Variants in FSTL4 observed in about 807,000 individuals in gnomAD.
The protein encoded by FSTL4 is follistatin like 4.
FSTL4 carries 28 observed loss-of-function variants against 78.2 expected under a neutral mutation model. That is an observed-to-expected ratio of 0.36 (90% CI 0.27 to 0.49). The LOEUF is 0.49. FSTL4 is among the 20% of genes least tolerant of loss of function. The probability of loss-of-function intolerance (pLI) is 0.98; values close to 1 mark genes in which losing one functional copy is unlikely to be tolerated. For missense variants in FSTL4, 922 were observed against 1,084.9 expected (o/e 0.85, Z 2.11); for synonymous variants, 422 against 440.5 (o/e 0.96, Z 0.53).
the FSTL4 span, among the ~76,000 whole-genome samples, chr5:133,690,939 T>G: frequency 6.6e-6 from 1 of 152,178 alleles, no homozygotes; most frequent in Non-Finnish European, 1.5e-5. Flanking sequence ...CATCTCAGGA[T>G]TTATGCTGTC....
In FSTL4 at chr5:133,198,372, G is replaced by A. The variant is rs1401104011; in HGVS notation, c.*723C>T. 1.3e-5 allele frequency: 2 copies of A among 152,576 alleles called. No individual in the cohort carries two copies. 9.5% of individuals were successfully genotyped at this position (152,576 alleles called of 1,614,324 possible). On this transcript the variant is annotated 3_prime_UTR_variant, in exon 16 of 16. Coordinates refer to ENST00000265342, the MANE Select transcript of FSTL4 (RefSeq NM_015082.2). ...CAGATGACCATTGTTCTTTCTGGCT[G>A]TGGGATGTGGGGTTGTGACCACCCC...
the FSTL4 span, among the ~76,000 whole-genome samples, chr5:133,685,044 C>T: frequency 6.6e-6 from 1 of 152,186 alleles, no homozygotes; most frequent in Non-Finnish European, 1.5e-5. Flanking sequence ...TTGGTAGCAT[C>T]GAACTCTAGA....
Position 133,199,044 on chromosome 5 carries a change from A to G in FSTL4, c.*51T>C. On this transcript the variant is annotated 3_prime_UTR_variant, in exon 16 of 16. Transcript: ENST00000265342. This position sits in a 1 kb window ranked among gnomAD's most constrained non-coding sequence, Gnocchi z 4.4. The stretch of plus-strand genomic sequence containing the variant: ...GTACAGCGTACCTGCTTGAGGCTGC[A>G]GTGTCAGGACTAGGGGGTGTTCCTT... The G allele has an allele frequency of 8.8e-7, 1 of 1,135,600 alleles. No individual in the cohort carries two copies. The highest frequency in any genetic ancestry group is 1.3e-6 in the Non-Finnish European group (1 of 799,370). The allele number at this position is 1,135,600 out of a possible 1,614,324, so 70.3% of individuals were successfully genotyped here.
At chr5:133,216,075 C>T (rs1180190061) in intron 13 of FSTL4, among the ~76,000 whole-genome samples, 1 of 152,212 alleles carries the variant, frequency 6.6e-6, no homozygotes, top group Non-Finnish European at 1.5e-5. Context: ...TAGCCTACCA[C>T]ACATTGTAAA....
intron 4 of FSTL4, among the ~76,000 whole-genome samples, chr5:133,354,809 C>T (rs79102307): frequency 0.014 from 2,059 of 152,356 alleles, 58 homozygotes; most frequent in African/African-American, 0.047. Flanking sequence ...CCTGCAGCCC[C>T]GGGAGCACCA....
chr5:133,595,130 T>C (rs1355399027), intron 2 of FSTL4, among the ~76,000 whole-genome samples: 2 of 152,228 alleles, frequency 1.3e-5, no homozygotes, highest in Non-Finnish European at 2.9e-5. Flanking sequence ...TGCTGGCCTC[T>C]GCAGAGGAAA....
chr5:133,274,165 A>G (rs1253579760), intron 6 of FSTL4, among the ~76,000 whole-genome samples: 4 of 152,076 alleles, frequency 2.6e-5, no homozygotes, highest in African/African-American at 4.8e-5. Flanking sequence ...GATGTTATTT[A>G]ATACTTGAGT....
chr5:133,333,083 G>C (rs1184521260), intron 4 of FSTL4, among the ~76,000 whole-genome samples: 1 of 152,104 alleles, frequency 6.6e-6, no homozygotes, highest in Non-Finnish European at 1.5e-5. Context: ...CACAGCTGTG[G>C]ATCTGGGTGT....
intron 6 of FSTL4, among the ~76,000 whole-genome samples, chr5:133,274,899 A>G (rs751412775): frequency 6.6e-6 from 1 of 152,352 alleles, no homozygotes; most frequent in South Asian, 2.1e-4. Context: ...TGTCCTATGC[A>G]TAGGACCTGC....
At chr5:133,369,824 A>G (rs750803307) in intron 4 of FSTL4, among the ~76,000 whole-genome samples, 1 of 152,116 alleles carries the variant, frequency 6.6e-6, no homozygotes, top group Non-Finnish European at 1.5e-5. Context: ...GGCTTAGTTA[A>G]CCCATTAGGC....
At position 133,561,013 on chromosome 5, in the gene FSTL4, C is replaced by T. The variant is rs1220012613; in HGVS notation, c.160+6173G>A. On this transcript the variant is annotated intron_variant, in intron 3 of 15. Coordinates refer to ENST00000265342, the MANE Select transcript of FSTL4 (RefSeq NM_015082.2). Reference sequence around the variant, plus strand: ...CTGAGGCAGGAGAATGGCGTGAACCCGTGAGGCTGAGCTTGCAGTGAGCCG... The same window carrying T: ...CTGAGGCAGGAGAATGGCGTGAACCTGTGAGGCTGAGCTTGCAGTGAGCCG... Among the ~76,000 whole-genome samples, 7 of 151,064 alleles carry T rather than the reference C, an allele frequency of 4.6e-5. 1 individual carries two copies. In the South Asian group the frequency reaches 1.3e-3, roughly 27 times the overall value.
At chr5:133,255,910 A>G (rs1752368935) in intron 6 of FSTL4, among the ~76,000 whole-genome samples, 1 of 152,152 alleles carries the variant, frequency 6.6e-6, no homozygotes. Context: ...ACTCGATAAG[A>G]CACTCATAAA....
At chr5:133,694,956 T>C in the FSTL4 span, among the ~76,000 whole-genome samples, 5 of 152,108 alleles carry the variant, frequency 3.3e-5, no homozygotes, top group African/African-American at 1.2e-4. Context: ...AGCTTGGGGG[T>C]TAGGGCTTCA....
At chr5:133,554,013 C>A (rs917455015) in intron 3 of FSTL4, among the ~76,000 whole-genome samples, 1 of 152,204 alleles carries the variant, frequency 6.6e-6, no homozygotes, top group African/African-American at 2.4e-5. Context: ...ACCTCAGGCA[C>A]GTCACTGTAC....
At chr5:133,229,833 T>C (rs1434880016) in intron 8 of FSTL4, among the ~76,000 whole-genome samples, 4 of 151,756 alleles carry the variant, frequency 2.6e-5, no homozygotes, top group Admixed American at 6.6e-5. Context: ...ATGTCACACA[T>C]AGAAGTGGGG....
Position 133,264,623 on chromosome 5 carries a change from G to T in FSTL4, c.728-15047C>A, listed in dbSNP as rs192566116. ...AAAACCTTTTCTGTGTTAGGCAGAC[G>T]CATGGCAGCAAAGTTTTAAAGTATT... On this transcript the variant is annotated intron_variant, in intron 6 of 15. Coordinates refer to ENST00000265342, the MANE Select transcript of FSTL4 (RefSeq NM_015082.2). Among the ~76,000 whole-genome samples the T allele has an allele frequency of 4.2e-3, 633 of 152,276 alleles. 3 individuals carry two copies. The highest frequency in any genetic ancestry group is 5.4e-3 in the Admixed American group (83 of 15,298).
At chr5:133,641,316 A>G in the FSTL4 span, among the ~76,000 whole-genome samples, 3 of 152,180 alleles carry the variant, frequency 2.0e-5, no homozygotes, top group African/African-American at 7.2e-5. Flanking sequence ...CAGTTGGCTT[A>G]CTGTTCTCAG....
At chr5:133,651,443 T>C in the FSTL4 span, among the ~76,000 whole-genome samples, 33 of 152,264 alleles carry the variant, frequency 2.2e-4, 1 homozygote, top group East Asian at 6.4e-3. Flanking sequence ...CTTTTTATTA[T>C]TATGAATGGG....
At chr5:133,652,068 T>C in the FSTL4 span, among the ~76,000 whole-genome samples, 16 of 152,264 alleles carry the variant, frequency 1.1e-4, no homozygotes, top group African/African-American at 3.4e-4. Context: ...TCCTTGATTA[T>C]CCTTTTAATG....
Sources: gnomAD v4.1 joint callset for allele counts (sites outside exome capture counted in the v4.1 genomes callset) on GRCh38, gnomAD v4.1.1 for gene constraint, Gnocchi (gnomAD v3.1) non-coding constraint, MANE v1.5 for transcripts, NCBI Gene and HGNC (gene_info 2026-07-23, HGNC 2026-07-21) for gene names.